The following ATL2 variants were observed in gnomAD, a reference collection of about 807,000 sequenced individuals.
ATL2 encodes atlastin GTPase 2.
Under a neutral mutation model 73.9 loss-of-function variants are expected in ATL2, and 31 were observed. The observed-to-expected ratio is 0.42, with a 90% CI of 0.32 to 0.57. The LOEUF is 0.57. ATL2 is among the 20% of genes least tolerant of loss of function. The pLI is 0.14. For missense variants in ATL2, 738 were observed against 702.6 expected, an observed-to-expected ratio of 1.05 and a Z score of -0.57; for synonymous variants, 291 against 237.5, an observed-to-expected ratio of 1.23 and a Z score of -2.07.
intron 8 of ATL2, among the ~76,000 whole-genome samples, chr2:38,309,956 CTA>C (rs1458922256): frequency 6.6e-6 from 1 of 152,184 alleles, no homozygotes; most frequent in Non-Finnish European, 1.5e-5. Context: ...ATAAACTGTA[CTA>C]TCACTCCTGA....
At chr2:38,359,943 T>C (rs996893756) in intron 1 of ATL2, among the ~76,000 whole-genome samples, 7 of 151,522 alleles carry the variant, frequency 4.6e-5, no homozygotes, top group African/African-American at 1.5e-4. Context: ...GCCTGGCCAA[T>C]ATGGTGAAAC....
At chr2:38,329,125 TAAA>T (rs56248819) in intron 2 of ATL2, among the ~76,000 whole-genome samples, 1 of 113,876 alleles carries the variant, frequency 8.8e-6, no homozygotes. Context: ...ATCATCTATT[TAAA>T]AAAAAAAAAA....
At chr2:38,350,472 C>T (rs1360547553) in intron 1 of ATL2, among the ~76,000 whole-genome samples, 1 of 152,104 alleles carries the variant, frequency 6.6e-6, no homozygotes, top group East Asian at 1.9e-4. Context: ...ACAGGCATAA[C>T]ACAGAAGATT....
At chr2:38,325,617 C>T (rs1177463343) in intron 2 of ATL2, among the ~76,000 whole-genome samples, 5 of 134,036 alleles carry the variant, frequency 3.7e-5, no homozygotes, top group African/African-American at 9.2e-5. Flanking sequence ...TCTACACACA[C>T]ACCAGTACAT....
chr2:38,331,025 G>A (rs1345355687), intron 2 of ATL2, among the ~76,000 whole-genome samples: 14 of 152,134 alleles, frequency 9.2e-5, no homozygotes, highest in African/African-American at 2.2e-4. Flanking sequence ...AGACATGGCC[G>A]GGCGTGGTGG....
intron 2 of ATL2, among the ~76,000 whole-genome samples, chr2:38,331,173 G>A (rs1428404309): frequency 1.3e-5 from 2 of 152,032 alleles, no homozygotes; most frequent in Non-Finnish European, 2.9e-5. Context: ...GGTGGCTCAT[G>A]CCTGTAATCC....
intron 1 of ATL2, among the ~76,000 whole-genome samples, chr2:38,372,123 G>GTTT (rs371482809): frequency 0.034 from 4,220 of 125,088 alleles, 156 homozygotes; most frequent in Non-Finnish European, 0.039. Flanking sequence ...CATGTTAATT[G>GTTT]TTTTTTTTTT....
At chr2:38,366,831 G>A (rs1413792860) in intron 1 of ATL2, among the ~76,000 whole-genome samples, 1 of 151,922 alleles carries the variant, frequency 6.6e-6, no homozygotes, top group African/African-American at 2.4e-5. Flanking sequence ...AACTATCAAG[G>A]GAAAAAAGCT....
intron 5 of ATL2, 89 bp from the exon 6 acceptor site, chr2:38,314,753 C>T: frequency 7.6e-6 from 6 of 788,046 alleles, no homozygotes; most frequent in Non-Finnish European, 1.2e-5. Flanking sequence ...CTCCAGGTAC[C>T]AGAACCTTTA....
chr2:38,360,985 G>C (rs1055124850), intron 1 of ATL2, among the ~76,000 whole-genome samples: 2 of 151,914 alleles, frequency 1.3e-5, no homozygotes, highest in Non-Finnish European at 2.9e-5. Context: ...AAATAAGTCA[G>C]AGAATTGAAA....
At chr2:38,355,942 C>T (rs1670641485) in intron 1 of ATL2, among the ~76,000 whole-genome samples, 1 of 151,774 alleles carries the variant, frequency 6.6e-6, no homozygotes, top group Admixed American at 6.6e-5. Context: ...GATCCACCCA[C>T]CACCTCGCCC....
At chr2:38,310,195 C>T in intron 8 of ATL2, 114 bp downstream of exon 8, 1 of 1,175,748 alleles carries the variant, frequency 8.5e-7, no homozygotes, top group Non-Finnish European at 1.2e-6. Context: ...ATGAACAATG[C>T]ATCCAAACAT....
intron 1 of ATL2, among the ~76,000 whole-genome samples, chr2:38,372,620 G>C (rs1671752505): frequency 6.6e-6 from 1 of 152,202 alleles, no homozygotes; most frequent in East Asian, 1.9e-4. Flanking sequence ...CCACAGGATT[G>C]TCTAAAATGC....
At chr2:38,331,359 C>A (rs1345028904) in intron 2 of ATL2, among the ~76,000 whole-genome samples, 2 of 150,432 alleles carry the variant, frequency 1.3e-5, no homozygotes, top group Non-Finnish European at 2.9e-5. Context: ...TCACTTAAAC[C>A]CGGGAGGCAG....
intron 2 of ATL2, among the ~76,000 whole-genome samples, chr2:38,337,041 G>A (rs1252152313): frequency 6.6e-6 from 1 of 152,044 alleles, no homozygotes; most frequent in African/African-American, 2.4e-5. Flanking sequence ...AATCCAGAGT[G>A]GGAAACCCTA....
chr2:38,374,919 CTTA>C (rs1671876966), intron 1 of ATL2, among the ~76,000 whole-genome samples: 1 of 152,196 alleles, frequency 6.6e-6, no homozygotes, highest in South Asian at 2.1e-4. Flanking sequence ...AGGCCATAAT[CTTA>C]TTTTCACTCA....
At chr2:38,308,249 A>C (rs1667559701) in intron 9 of ATL2, among the ~76,000 whole-genome samples, 1 of 152,248 alleles carries the variant, frequency 6.6e-6, no homozygotes, top group Admixed American at 6.5e-5. Context: ...GTACATATAC[A>C]CGATGAAGTA....
At chr2:38,370,171 A>G (rs1390387917) in intron 1 of ATL2, among the ~76,000 whole-genome samples, 1 of 135,260 alleles carries the variant, frequency 7.4e-6, no homozygotes, top group Admixed American at 7.0e-5. Context: ...AAAAAAAAAA[A>G]GAAAGAAAAT....
At chr2:38,310,659 CAG>C (rs1392784953) in intron 7 of ATL2, among the ~76,000 whole-genome samples, 9 of 122,814 alleles carry the variant, frequency 7.3e-5, no homozygotes, top group African/African-American at 2.7e-4. Flanking sequence ...TTTTTAAAGA[CAG>C]AGTTTCGCTC....
Sources: allele counts gnomAD v4.1 joint callset (sites outside exome capture counted in the v4.1 genomes callset), GRCh38; gene constraint gnomAD v4.1.1; transcripts MANE v1.5; gene names NCBI Gene and HGNC (gene_info 2026-07-23, HGNC 2026-07-21).